Variants in DLG2 observed in about 807,000 individuals in gnomAD.
DLG2 encodes the protein discs large MAGUK scaffold protein 2.
In DLG2, 45 loss-of-function variants were observed where a neutral mutation model predicts 132.5. The ratio of observed to expected loss-of-function variants is 0.34; its 90% confidence interval spans 0.27 to 0.44. The LOEUF is 0.44. Among genes scored for constraint, DLG2 ranks in the 20% least tolerant of loss-of-function variants. DLG2 has a pLI of 1.00. For synonymous variants in DLG2, 424 were observed against 419.6 expected (o/e 1.01, Z -0.13); for missense variants, 1,045 against 1,196.9 (o/e 0.87, Z 1.87).
At chr11:84,165,426 A>T (rs965010719) in intron 8 of DLG2, among the ~76,000 whole-genome samples, 1 of 152,174 alleles carries the variant, frequency 6.6e-6, no homozygotes, top group Non-Finnish European at 1.5e-5. Context: ...ATATATGCAT[A>T]TCCTAATTGG....
chr11:83,872,666 G>A (rs189303459), intron 16 of DLG2, among the ~76,000 whole-genome samples: 7 of 152,162 alleles, frequency 4.6e-5, no homozygotes, highest in Non-Finnish European at 8.8e-5. Flanking sequence ...ATATTCTTAG[G>A]GCAAATTGCT....
intron 3 of DLG2, among the ~76,000 whole-genome samples, chr11:85,530,182 G>C (rs755799814): frequency 3.0e-4 from 46 of 151,596 alleles, no homozygotes; most frequent in Non-Finnish European, 4.7e-4. Flanking sequence ...TTTTAGTAGA[G>C]ATGGAGTTTC....
chr11:85,085,520 T>C (rs1176034036), intron 6 of DLG2, among the ~76,000 whole-genome samples: 1 of 152,038 alleles, frequency 6.6e-6, no homozygotes, highest in African/African-American at 2.4e-5. Context: ...ACAGTGAACA[T>C]CCATAATATT....
chr11:83,733,397 T>G (rs1036192846), intron 18 of DLG2, among the ~76,000 whole-genome samples: 6 of 152,162 alleles, frequency 3.9e-5, no homozygotes, highest in African/African-American at 1.4e-4. Flanking sequence ...TCAGGCATGT[T>G]GACCTATCAC....
intron 3 of DLG2, among the ~76,000 whole-genome samples, chr11:85,447,695 T>C (rs1398956244): frequency 1.3e-5 from 2 of 152,180 alleles, no homozygotes; most frequent in Admixed American, 6.5e-5. Flanking sequence ...TTTATTTGTG[T>C]TCCCTCAGTC....
intron 3 of DLG2, among the ~76,000 whole-genome samples, chr11:85,525,938 A>G (rs2074709990): frequency 6.6e-6 from 1 of 152,224 alleles, no homozygotes; most frequent in African/African-American, 2.4e-5. Context: ...TTATCAGTAC[A>G]TGAACGAGAG....
chr11:84,045,760 T>C (rs1392480882), intron 11 of DLG2, among the ~76,000 whole-genome samples: 1 of 151,254 alleles, frequency 6.6e-6, no homozygotes, highest in Non-Finnish European at 1.5e-5. Context: ...AAAATTTCTC[T>C]ACAGCAAAAT....
chr11:84,881,500 G>A lies in DLG2; in HGVS notation c.357+230161C>T, dbSNP rs141449739. On this transcript the variant is annotated intron_variant, in intron 6 of 27. Transcript: ENST00000376104. ...ACCTTAGTCAACCCAAAACTGGGGT[G>A]CCAATTCAAAGGGTCCAGTATTTCT... is the stretch of plus-strand genomic sequence containing the variant. 1.6e-3 allele frequency among the ~76,000 whole-genome samples: 236 copies of A among 152,200 alleles called. 2 individuals carry two copies. Among genetic ancestry groups the A allele is most frequent in the African/African-American group, 5.5e-3 (228 of 41,538 alleles).
At chr11:84,462,043 G>T (rs1602545595) in intron 7 of DLG2, among the ~76,000 whole-genome samples, 1 of 150,950 alleles carries the variant, frequency 6.6e-6, no homozygotes, top group Non-Finnish European at 1.5e-5. Flanking sequence ...GTAGATTCTT[G>T]ACTTCTCTAT....
chr11:84,808,911 C>T (rs1042783557), intron 6 of DLG2, among the ~76,000 whole-genome samples: 1 of 151,882 alleles, frequency 6.6e-6, no homozygotes, highest in Non-Finnish European at 1.5e-5. Context: ...TTGATACAAT[C>T]TTTTACAGAA....
chr11:84,759,686 C>T (rs2067343128), intron 6 of DLG2, among the ~76,000 whole-genome samples: 1 of 152,150 alleles, frequency 6.6e-6, no homozygotes. Context: ...AAAACACCAT[C>T]CCTTTTTTCA....
At chr11:84,970,503 G>C (rs189090822) in intron 6 of DLG2, among the ~76,000 whole-genome samples, 36 of 152,286 alleles carry the variant, frequency 2.4e-4, no homozygotes, top group African/African-American at 8.2e-4. Context: ...AGGCTGCCAA[G>C]TCTAAGATGA....
intron 6 of DLG2, chr11:84,640,267 C>A: frequency 3.1e-6 from 1 of 323,178 alleles, no homozygotes; most frequent in South Asian, 2.7e-5. Flanking sequence ...AAGACGAGGT[C>A]TGCACATGCT....
intron 18 of DLG2, among the ~76,000 whole-genome samples, chr11:83,662,984 G>C (rs993431950): frequency 6.6e-6 from 1 of 152,166 alleles, no homozygotes; most frequent in Non-Finnish European, 1.5e-5. Context: ...GGCTTCCTGA[G>C]GTTACCTGAT....
At position 85,576,372 on chromosome 11, in the gene DLG2, T is replaced by C. The variant is rs189459793; in HGVS notation, c.40+22285A>G. On this transcript the variant is annotated intron_variant, in intron 3 of 27. Transcript: ENST00000376104. ...ATAGCATAATTAACCTGATGTACTT[T>C]CCTGACCTCATAAATCACACTTTCT... Among the ~76,000 whole-genome samples, 192 of 152,274 alleles carry C rather than the reference T, an allele frequency of 1.3e-3. 1 individual carries two copies. The highest frequency in any genetic ancestry group is 4.3e-3 in the African/African-American group (179 of 41,552).
intron 5 of DLG2, among the ~76,000 whole-genome samples, chr11:85,122,185 T>G (rs192827138): frequency 6.6e-6 from 1 of 152,136 alleles, no homozygotes; most frequent in Non-Finnish European, 1.5e-5. Flanking sequence ...AATAGGCACA[T>G]GGAAAAGCTA....
intron 6 of DLG2, among the ~76,000 whole-genome samples, chr11:84,576,825 T>G (rs2099501317): frequency 6.6e-6 from 1 of 152,232 alleles, no homozygotes; most frequent in Admixed American, 6.5e-5. Flanking sequence ...TATTAAAAAC[T>G]GTTATAGCTG....
intron 9 of DLG2, among the ~76,000 whole-genome samples, chr11:84,130,139 T>C (rs900415908): frequency 2.0e-5 from 3 of 151,944 alleles, no homozygotes; most frequent in African/African-American, 4.8e-5. Flanking sequence ...CAGGCCCAGA[T>C]AGGCCTACCA....
At chr11:83,574,905 C>A (rs143706056) in intron 19 of DLG2, among the ~76,000 whole-genome samples, 129 of 152,234 alleles carry the variant, frequency 8.5e-4, no homozygotes, top group African/African-American at 2.9e-3. Context: ...GATAGCACAG[C>A]TCAGAAAAAC....
Sources: gnomAD v4.1 joint callset for allele counts (sites outside exome capture counted in the v4.1 genomes callset) on GRCh38, gnomAD v4.1.1 for gene constraint, MANE v1.5 for transcripts, NCBI Gene and HGNC (gene_info 2026-07-23, HGNC 2026-07-21) for gene names.